The following CFAP47 variants were observed in gnomAD, a reference collection of about 807,000 sequenced individuals.
The protein encoded by CFAP47 is cilia- and flagella-associated protein 47.
In CFAP47, 29 loss-of-function variants were observed where a neutral mutation model predicts 148.1. The observed-to-expected ratio is 0.20, with a 90% CI of 0.15 to 0.27. CFAP47 has a LOEUF of 0.27. Among genes scored for constraint, CFAP47 ranks in the 10% least tolerant of loss-of-function variants. The pLI, the probability that CFAP47 is intolerant of heterozygous loss-of-function variation, is 1.00. For missense variants in CFAP47, 1,872 were observed against 1,697.5 expected, an observed-to-expected ratio of 1.10 and a Z score of -1.81; for synonymous variants, 664 against 577.3, an observed-to-expected ratio of 1.15 and a Z score of -2.15.
intron 24 of CFAP47, among the ~76,000 whole-genome samples, chrX:36,037,513 C>T (rs1937353386): frequency 9.0e-6 from 1 of 111,063 alleles, no homozygotes; most frequent in Non-Finnish European, 1.9e-5. Flanking sequence ...GAGGCGCACT[C>T]CACCATGCCT....
At position 35,951,785 on chromosome X, in the gene CFAP47, T is replaced by A; in HGVS notation, c.886-18T>A. The A allele has an allele frequency of 2.8e-6, 3 of 1,085,788 alleles. No individual in the cohort carries two copies. Among genetic ancestry groups the A allele is most frequent in the Non-Finnish European group, 3.6e-6 (3 of 836,040 alleles). The allele number at this position is 1,085,788 out of a possible 1,213,427, so 89.5% of individuals were successfully genotyped here. A position where few individuals can be genotyped will look rare whatever the true frequency, so the allele number is the denominator to read the frequency against. On this transcript the variant is annotated intron_variant, in intron 5 of 63. Transcript: ENST00000378653. ...TGTTTTGCCTTAATACTCTTTTATA[T>A]CTGACTTTATATTACAGGGTACAGA...
intron 33 of CFAP47, among the ~76,000 whole-genome samples, chrX:36,112,681 G>A (rs556858139): frequency 2.7e-5 from 3 of 111,438 alleles, no homozygotes; most frequent in East Asian, 5.7e-4. Flanking sequence ...TTGATGATCT[G>A]TTTAATACTA....
chrX:35,944,153 C>A (rs867783521), intron 3 of CFAP47, among the ~76,000 whole-genome samples: 1 of 111,129 alleles, frequency 9.0e-6, no homozygotes, highest in Non-Finnish European at 1.9e-5. Flanking sequence ...TCTAAAATAT[C>A]CTGGAATCAA....
At chrX:36,300,335 G>A (rs1382914081) in intron 52 of CFAP47, among the ~76,000 whole-genome samples, 1 of 106,552 alleles carries the variant, frequency 9.4e-6, no homozygotes, top group Non-Finnish European at 1.9e-5. Context: ...TGTCACCCAC[G>A]CTAGAGTGCA....
intron 26 of CFAP47, among the ~76,000 whole-genome samples, chrX:36,054,238 A>T (rs189651510): frequency 2.2e-4 from 24 of 111,580 alleles, no homozygotes; most frequent in African/African-American, 7.8e-4. Context: ...CCAGTTTCTC[A>T]CCTATTTGTA....
chrX:36,294,568 C>T (rs1418965958), intron 51 of CFAP47, among the ~76,000 whole-genome samples: 1 of 110,002 alleles, frequency 9.1e-6, no homozygotes, highest in African/African-American at 3.3e-5. Context: ...AAAAATTAGC[C>T]AGGCATGGTG....
At chrX:36,292,777 T>G (rs1255431813) in intron 51 of CFAP47, among the ~76,000 whole-genome samples, 3 of 111,938 alleles carry the variant, frequency 2.7e-5, no homozygotes, top group Non-Finnish European at 5.6e-5. Context: ...ACTGCTGTCT[T>G]CACCCTGTAA....
At chrX:35,960,262 T>C (rs1296976601) in intron 8 of CFAP47, among the ~76,000 whole-genome samples, 2 of 107,112 alleles carry the variant, frequency 1.9e-5, no homozygotes, top group East Asian at 5.8e-4. Flanking sequence ...AGCTTTATGG[T>C]ATTTTTTGAA....
chrX:36,033,829 A>C (rs894869600), intron 23 of CFAP47, among the ~76,000 whole-genome samples: 5 of 111,581 alleles, frequency 4.5e-5, no homozygotes, highest in African/African-American at 1.6e-4. Flanking sequence ...TGATAGTTTT[A>C]TTTTAATAGC....
intron 2 of CFAP47, among the ~76,000 whole-genome samples, chrX:35,929,265 A>G (rs73466955): frequency 0.015 from 1,676 of 111,618 alleles, 28 homozygotes; most frequent in African/African-American, 0.051. Flanking sequence ...TCTTTACTAT[A>G]GTAATTCTCC....
intron 48 of CFAP47, among the ~76,000 whole-genome samples, chrX:36,250,582 A>G (rs1940679168): frequency 9.0e-6 from 1 of 111,024 alleles, no homozygotes. Flanking sequence ...CACAAAAATG[A>G]TAACTATGTG....
At chrX:36,075,353 A>G (rs927552154) in intron 29 of CFAP47, among the ~76,000 whole-genome samples, 3 of 109,618 alleles carry the variant, frequency 2.7e-5, no homozygotes, top group African/African-American at 1.0e-4. Context: ...TCAGCCTCCC[A>G]AGTAGCTGAG....
intron 3 of CFAP47, among the ~76,000 whole-genome samples, chrX:35,944,606 T>C (rs1936058997): frequency 8.9e-6 from 1 of 111,810 alleles, no homozygotes; most frequent in Non-Finnish European, 1.9e-5. Context: ...ACATGACAAC[T>C]GATTTTTAAT....
intron 42 of CFAP47, among the ~76,000 whole-genome samples, chrX:36,194,741 T>C (rs782252790): frequency 1.8e-5 from 2 of 111,543 alleles, no homozygotes; most frequent in Non-Finnish European, 3.8e-5. Context: ...GAGAACTCTA[T>C]CATGAGACAG....
At chrX:36,189,027 G>C (rs1197895115) in intron 41 of CFAP47, among the ~76,000 whole-genome samples, 1 of 111,537 alleles carries the variant, frequency 9.0e-6, no homozygotes, top group Non-Finnish European at 1.9e-5. Context: ...GTTTAGAGTT[G>C]TAAGGGGAGC....
intron 33 of CFAP47, among the ~76,000 whole-genome samples, chrX:36,111,639 G>A (rs1938556956): frequency 9.0e-6 from 1 of 111,586 alleles, no homozygotes; most frequent in Non-Finnish European, 1.9e-5. Flanking sequence ...AGTTAGGGAG[G>A]AGGGCTTCCT....
intron 22 of CFAP47, among the ~76,000 whole-genome samples, chrX:36,023,071 T>C (rs1191054178): frequency 8.9e-6 from 1 of 111,932 alleles, no homozygotes; most frequent in Non-Finnish European, 1.9e-5. Flanking sequence ...GTTATTGTAG[T>C]GTTCACATTC....
intron 2 of CFAP47, among the ~76,000 whole-genome samples, chrX:35,930,898 C>T (rs1181766890): frequency 3.6e-5 from 4 of 111,419 alleles, no homozygotes; most frequent in South Asian, 3.7e-4. Context: ...AGCTTTCTAT[C>T]GTTGACTTTC....
At chrX:35,979,152 A>G (rs1785109901) in intron 15 of CFAP47, among the ~76,000 whole-genome samples, 1 of 109,574 alleles carries the variant, frequency 9.1e-6, no homozygotes, top group South Asian at 4.0e-4. Flanking sequence ...CTAATTTTGT[A>G]TTTTTTAGTA....
Sources: gnomAD v4.1 joint callset for allele counts (sites outside exome capture counted in the v4.1 genomes callset) on GRCh38, gnomAD v4.1.1 for gene constraint, MANE v1.5 for transcripts, NCBI Gene and HGNC (gene_info 2026-07-23, HGNC 2026-07-21) for gene names.